The following MAP4K5 variants were observed in gnomAD, a reference collection of about 807,000 sequenced individuals.
MAP4K5 encodes mitogen-activated protein kinase kinase kinase kinase 5, also known as MAPK/ERK kinase kinase kinase 5.
A neutral mutation model predicts 135.6 loss-of-function variants in MAP4K5; 82 were observed. That is an observed-to-expected ratio of 0.60 (90% CI 0.51 to 0.73). The LOEUF is 0.73. Ranked by LOEUF, MAP4K5 falls within the 30% of genes least tolerant of loss-of-function variation. The pLI is 0.00. For missense variants in MAP4K5, 907 were observed against 1,010.9 expected (o/e 0.90, Z 1.39); for synonymous variants, 347 against 335.0 (o/e 1.04, Z -0.39).
intron 2 of MAP4K5, among the ~76,000 whole-genome samples, chr14:50,520,890 T>C (rs1411724625): frequency 1.3e-5 from 2 of 151,402 alleles, no homozygotes; most frequent in Non-Finnish European, 2.9e-5. Context: ...TGGCGCGATC[T>C]TTGCCCACCG....
At chr14:50,531,725 G>C (rs1270948563) in intron 2 of MAP4K5, among the ~76,000 whole-genome samples, 1 of 152,132 alleles carries the variant, frequency 6.6e-6, no homozygotes, top group African/African-American at 2.4e-5. Flanking sequence ...GTGCAACAGC[G>C]GTTTGCAACT....
At chr14:50,556,099 C>A (rs957422668) in intron 1 of MAP4K5, among the ~76,000 whole-genome samples, 3 of 152,070 alleles carry the variant, frequency 2.0e-5, no homozygotes, top group African/African-American at 7.3e-5. Flanking sequence ...TGGAGTAATA[C>A]CTTTTCTTCT....
At chr14:50,455,032 T>C (rs927825112) in intron 14 of MAP4K5, among the ~76,000 whole-genome samples, 2 of 151,986 alleles carry the variant, frequency 1.3e-5, no homozygotes, top group South Asian at 2.1e-4. Flanking sequence ...CAGAATAGAA[T>C]AGAATTTCCA....
At chr14:50,546,487 TCA>T (rs1304489748) in intron 1 of MAP4K5, among the ~76,000 whole-genome samples, 1 of 152,176 alleles carries the variant, frequency 6.6e-6, no homozygotes, top group Non-Finnish European at 1.5e-5. Flanking sequence ...AAATGAGTAC[TCA>T]CACATTAAGG....
chr14:50,509,671 AT>A (rs1343662064), intron 2 of MAP4K5, among the ~76,000 whole-genome samples: 3 of 142,586 alleles, frequency 2.1e-5, no homozygotes, highest in African/African-American at 7.4e-5. Context: ...AAGAACTGGA[AT>A]TAAAAAAAAA....
At chr14:50,471,692 G>C (rs1453958650) in intron 9 of MAP4K5, 1 of 152,168 alleles carries the variant, frequency 6.6e-6, no homozygotes, top group Non-Finnish European at 1.5e-5. Flanking sequence ...AAAGAATTAA[G>C]TTGTCTTAGT....
intron 4 of MAP4K5, 51 bp from the exon 5 acceptor site, chr14:50,485,693 G>A (rs2139929816): frequency 1.8e-6 from 2 of 1,129,040 alleles, no homozygotes; most frequent in East Asian, 5.1e-5. Context: ...TTCAATCACT[G>A]AAATACTCTA....
chr14:50,473,247 T>A (rs556489169), intron 9 of MAP4K5, among the ~76,000 whole-genome samples: 3 of 152,210 alleles, frequency 2.0e-5, no homozygotes, highest in Non-Finnish European at 4.4e-5. Flanking sequence ...CTTTTCTTAC[T>A]GGTCTCAGGT....
intron 2 of MAP4K5, 183 bp from the exon 3 acceptor site, chr14:50,505,040 A>G (rs764292965): frequency 1.5e-5 from 7 of 452,234 alleles, no homozygotes; most frequent in Non-Finnish European, 2.7e-5. Flanking sequence ...ATAAGACACA[A>G]AAGTGTTTAA....
intron 11 of MAP4K5, among the ~76,000 whole-genome samples, chr14:50,466,381 C>CAAAAAAAAAAAAAAAAAAAAAAAAAAA (rs1194669006): frequency 1.8e-5 from 1 of 54,630 alleles, no homozygotes; most frequent in Non-Finnish European, 3.4e-5. Context: ...AATCCTGTCT[C>CAAAAAAAAAAAAAAAAAAAAAAAAAAA]AAAAAAAAAA....
In MAP4K5 at chr14:50,468,705, G is replaced by A. The variant is rs1272943398; in HGVS notation, c.620C>T (p.Thr207Ile). 6.2e-7 allele frequency: 1 copy of A among 1,613,260 alleles called. No homozygotes were observed. Among genetic ancestry groups the A allele is most frequent in the South Asian group, 1.1e-5 (1 of 90,954 alleles). The change falls in exon 10 of 33, where the codon ACA (threonine) becomes ATA (isoleucine). Residue 207 changes from threonine to isoleucine, a missense_variant. Physicochemically the swap from Thr to Ile is moderately conservative, Grantham distance 89 (BLOSUM62 -1). This residue lies in a region of MAP4K5 where 690 missense variants were observed against 777.4 expected (regional missense o/e 0.89). Coordinates refer to ENST00000682126, the MANE Select transcript of MAP4K5 (RefSeq NM_006575.6). ...QLCDIWAVGI[T>I]AIELGELQPP... ...CTGAAGTTCTCCAAGTTCAATTGCT[G>A]TTATTCCTACTGCCCAGATATCACA...
chr14:50,560,630 C>A (rs2038828614), intron 1 of MAP4K5: 1 of 380,780 alleles, frequency 2.6e-6, no homozygotes, highest in African/African-American at 2.1e-5. Flanking sequence ...CCTTAGCGAT[C>A]GGTTGGGAGG....
chr14:50,501,945 T>C (rs1284865263), intron 3 of MAP4K5, among the ~76,000 whole-genome samples: 1 of 152,156 alleles, frequency 6.6e-6, no homozygotes, highest in Non-Finnish European at 1.5e-5. Context: ...TTGGCGTATA[T>C]TAGGTATTCA....
At chr14:50,527,584 T>C (rs2038294564) in intron 2 of MAP4K5, among the ~76,000 whole-genome samples, 1 of 152,132 alleles carries the variant, frequency 6.6e-6, no homozygotes, top group South Asian at 2.1e-4. Flanking sequence ...TGAAATAAAC[T>C]GTATTAAATT....
In MAP4K5 at chr14:50,464,069, C is replaced by A; in HGVS notation, c.802G>T (p.Ala268Ser). The stretch of plus-strand genomic sequence containing the variant: ...TGACTTACAGTCAGAAGTCTTTCAG[C>A]AGTTGGTCTTTTTTTTGGGTTTTTG... ...LTKNPKKRPTAERLLTHTFVA... is the reference protein window; with the variant it reads ...LTKNPKKRPTSERLLTHTFVA... The change falls in exon 12 of 33, where the codon GCT becomes TCT. Residue 268 changes from alanine to serine, a missense_variant. This residue lies in a region of MAP4K5 where 690 missense variants were observed against 777.4 expected (regional missense o/e 0.89). Transcript: ENST00000682126. The A allele has an allele frequency of 6.5e-7, 1 of 1,544,072 alleles. No homozygotes were observed. Among genetic ancestry groups the A allele is most frequent in the Non-Finnish European group, 8.8e-7 (1 of 1,139,484 alleles).
chr14:50,538,061 A>G (rs2038516191), intron 2 of MAP4K5, among the ~76,000 whole-genome samples: 1 of 152,194 alleles, frequency 6.6e-6, no homozygotes, highest in Non-Finnish European at 1.5e-5. Flanking sequence ...GTGCCCACCC[A>G]CATCTCATCT....
chr14:50,499,265 T>C (rs2037657482), intron 3 of MAP4K5, among the ~76,000 whole-genome samples: 3 of 151,928 alleles, frequency 2.0e-5, no homozygotes. Flanking sequence ...GGCAACAAAA[T>C]GAAACAGAAA....
chr14:50,489,501 C>T (rs551544947), intron 3 of MAP4K5, among the ~76,000 whole-genome samples: 18 of 152,252 alleles, frequency 1.2e-4, no homozygotes, highest in African/African-American at 3.9e-4. Context: ...TTGCTAGTAC[C>T]TTACATTTAA....
At chr14:50,521,600 T>A (rs1297340021) in intron 2 of MAP4K5, among the ~76,000 whole-genome samples, 1 of 152,190 alleles carries the variant, frequency 6.6e-6, no homozygotes, top group Non-Finnish European at 1.5e-5. Flanking sequence ...CATGAGAGTG[T>A]TATACAAACA....
Sources: allele counts gnomAD v4.1 joint callset (sites outside exome capture counted in the v4.1 genomes callset), GRCh38; gene constraint gnomAD v4.1.1; regional missense constraint gnomAD v4.1.1; transcripts MANE v1.5; gene names NCBI Gene and HGNC (gene_info 2026-07-23, HGNC 2026-07-21).